The following ANKRD13C variants were observed in gnomAD, a reference collection of about 807,000 sequenced individuals.
The protein encoded by ANKRD13C is ankyrin repeat domain-containing protein 13C.
ANKRD13C carries 16 observed loss-of-function variants against 65.5 expected under a neutral mutation model. The observed-to-expected ratio is 0.24, with a 90% CI of 0.17 to 0.37. The LOEUF (loss-of-function observed/expected upper bound fraction) is 0.37, where lower values mean the gene tolerates loss of function less well. Among genes scored for constraint, ANKRD13C ranks in the 10% least tolerant of loss-of-function variants. The pLI is 1.00. For missense variants in ANKRD13C, 503 were observed against 655.9 expected (o/e 0.77, Z 2.55); for synonymous variants, 235 against 238.7 (o/e 0.98, Z 0.14).
At chr1:70,295,706 C>G (rs60602940) in intron 8 of ANKRD13C, among the ~76,000 whole-genome samples, 21,748 of 151,986 alleles carry the variant, frequency 0.14, 1,820 homozygotes, top group East Asian at 0.34. Context: ...TTTAATCTTA[C>G]TCATATGTAT....
At chr1:70,279,196 G>C (rs555278423) in intron 9 of ANKRD13C, among the ~76,000 whole-genome samples, 1 of 151,992 alleles carries the variant, frequency 6.6e-6, no homozygotes, top group South Asian at 2.1e-4. Context: ...GACAGAACAT[G>C]ACTCTGTCTC....
chr1:70,295,556 C>T (rs61587863), intron 8 of ANKRD13C, among the ~76,000 whole-genome samples: 19,008 of 152,018 alleles, frequency 0.13, 1,397 homozygotes, highest in East Asian at 0.34. Flanking sequence ...TCAAAATTTT[C>T]CGAATATATA....
chr1:70,321,234 A>G (rs1681293547), intron 3 of ANKRD13C, among the ~76,000 whole-genome samples: 1 of 152,240 alleles, frequency 6.6e-6, no homozygotes, highest in South Asian at 2.1e-4. Flanking sequence ...AGATACACAG[A>G]GTAGGGAACA....
chr1:70,313,897 C>T, intron 4 of ANKRD13C, 107 bp from the exon 5 acceptor site: 1 of 711,258 alleles, frequency 1.4e-6, no homozygotes. Context: ...CATTACTATA[C>T]TTAATTACAA....
In ANKRD13C at chr1:70,277,881, C is replaced by G. The variant is rs1397315586; in HGVS notation, c.1216-1037G>C. 2.6e-5 allele frequency among the ~76,000 whole-genome samples: 4 copies of G among 152,078 alleles called. No homozygotes were observed. In the East Asian group the frequency reaches 7.7e-4, roughly 29 times the overall value. ...GGCAATAAGGAACTAAACTCTGGAG[C>G]AGAAAAGGAAATTGGAAATTCCTGG... On this transcript the variant is annotated intron_variant, in intron 9 of 12. Transcript: ENST00000370944.
At chr1:70,280,426 T>C (rs1381739682) in intron 9 of ANKRD13C, among the ~76,000 whole-genome samples, 1 of 152,204 alleles carries the variant, frequency 6.6e-6, no homozygotes, top group Non-Finnish European at 1.5e-5. Flanking sequence ...TGTCTAGTTG[T>C]ATGAGTAGTA....
At chr1:70,330,052 G>A (rs546362657) in intron 2 of ANKRD13C, among the ~76,000 whole-genome samples, 1 of 148,980 alleles carries the variant, frequency 6.7e-6, no homozygotes, top group East Asian at 2.0e-4. Flanking sequence ...ATGCACCACT[G>A]CACTCCAGCC....
chr1:70,294,372 G>A (rs963288431), intron 8 of ANKRD13C, among the ~76,000 whole-genome samples: 4 of 152,184 alleles, frequency 2.6e-5, no homozygotes, highest in East Asian at 3.8e-4. Context: ...ATGTGTCAGC[G>A]TGGCTACGCT....
Position 70,270,838 on chromosome 1 carries a change from T to A in ANKRD13C, c.1495+18A>T, listed in dbSNP as rs756367808. 4 of 1,498,396 alleles carry A rather than the reference T, an allele frequency of 2.7e-6. No individual in the cohort carries two copies. The Admixed American group carries it at 5.3e-5, about 20-fold the overall frequency. 92.8% of individuals were successfully genotyped at this position (1,498,396 alleles called of 1,614,324 possible). The stretch of plus-strand genomic sequence containing the variant: ...ATTCCTAATGGACACTAAAATTATA[T>A]CTAATTTTTTCTCTTACCTAATTTT... On this transcript the variant is annotated intron_variant, in intron 12 of 12. Transcript: ENST00000370944.
chr1:70,302,752 A>G (rs1377788709), intron 6 of ANKRD13C, among the ~76,000 whole-genome samples: 2 of 150,702 alleles, frequency 1.3e-5, no homozygotes, highest in South Asian at 2.1e-4. Flanking sequence ...AAAAAAAAAA[A>G]AAAGAAAATA....
rs557105120 is a variant in ANKRD13C, at chr1:70,344,496, T to C, written c.431-8397A>G. On this transcript the variant is annotated intron_variant, in intron 1 of 12. Coordinates refer to ENST00000370944, the MANE Select transcript of ANKRD13C (RefSeq NM_030816.5). The stretch of plus-strand genomic sequence containing the variant: ...AAAATGAATAAATGCAAATAATCAA[T>C]AGAATGGCTGGCATTTAATGGGTAT... Among the ~76,000 whole-genome samples the C allele has an allele frequency of 1.6e-4, 25 of 151,842 alleles. No individual in the cohort carries two copies. In the South Asian group the frequency reaches 2.5e-3, roughly 15 times the overall value.
intron 2 of ANKRD13C, 34 bp downstream of exon 2, chr1:70,336,024 A>T (rs1682009142): frequency 1.4e-6 from 1 of 709,110 alleles, no homozygotes; most frequent in Non-Finnish European, 2.1e-6. Context: ...TATATAAATG[A>T]AGTTAAACAT....
chr1:70,276,193 A>G (rs1300830779), intron 10 of ANKRD13C, among the ~76,000 whole-genome samples: 1 of 152,084 alleles, frequency 6.6e-6, no homozygotes, highest in African/African-American at 2.4e-5. Flanking sequence ...TTATTCATTC[A>G]TCATTCTTTT....
rs149032448 is a variant in ANKRD13C, at chr1:70,309,217, C to T, written c.710-2927G>A. On this transcript the variant is annotated intron_variant, in intron 5 of 12. Transcript: ENST00000370944. ...CCTCCTGAGTAGCTGGGATTACAGG[C>T]GCCCCCCTACCATGTCCACCTAATT... Among the ~76,000 whole-genome samples the T allele has an allele frequency of 2.9e-3, 443 of 151,480 alleles. 5 individuals carry two copies. The highest frequency in any genetic ancestry group is 0.01 in the African/African-American group (431 of 41,400).
At chr1:70,316,364 CT>C (rs556438236) in intron 3 of ANKRD13C, among the ~76,000 whole-genome samples, 6 of 151,246 alleles carry the variant, frequency 4.0e-5, no homozygotes, top group Admixed American at 6.6e-5. Flanking sequence ...TCTAAACTTC[CT>C]TTTTTTTTCC....
At chr1:70,351,250 T>C (rs1045320872) in intron 1 of ANKRD13C, among the ~76,000 whole-genome samples, 2 of 152,226 alleles carry the variant, frequency 1.3e-5, no homozygotes, top group African/African-American at 2.4e-5. Context: ...CATCATCATG[T>C]TGTGAAAGGA....
intron 9 of ANKRD13C, among the ~76,000 whole-genome samples, chr1:70,288,390 T>C (rs1679714092): frequency 6.6e-6 from 1 of 152,218 alleles, no homozygotes; most frequent in African/African-American, 2.4e-5. Context: ...TCTTGGGCAT[T>C]TATCCCAGAG....
chr1:70,309,061 TAGAC>T (rs1337219683), intron 5 of ANKRD13C, among the ~76,000 whole-genome samples: 1 of 151,210 alleles, frequency 6.6e-6, no homozygotes, highest in Non-Finnish European at 1.5e-5. Flanking sequence ...TTTTTTTTTT[TAGAC>T]AGAGTGTCGC....
At chr1:70,284,832 T>C (rs947692882) in intron 9 of ANKRD13C, among the ~76,000 whole-genome samples, 6 of 152,192 alleles carry the variant, frequency 3.9e-5, no homozygotes, top group African/African-American at 1.2e-4. Context: ...CCAATATCAA[T>C]AAGAAAGAAA....
Sources: allele counts gnomAD v4.1 joint callset (sites outside exome capture counted in the v4.1 genomes callset), GRCh38; gene constraint gnomAD v4.1.1; transcripts MANE v1.5; gene names NCBI Gene and HGNC (gene_info 2026-07-23, HGNC 2026-07-21).